ALK: variants seen among roughly 807,000 people sequenced by gnomAD.
ALK encodes ALK tyrosine kinase receptor.
A neutral mutation model predicts 163.1 loss-of-function variants in ALK; 74 were observed. The ratio of observed to expected loss-of-function variants is 0.45; its 90% CI spans 0.38 to 0.55. ALK has a LOEUF of 0.55. Ranked by LOEUF, ALK falls within the 20% of genes least tolerant of loss-of-function variation. The probability of loss-of-function intolerance (pLI) is 0.00; values close to 1 mark genes in which losing one functional copy is unlikely to be tolerated. For synonymous variants in ALK, 960 were observed against 843.2 expected (o/e 1.14, Z -2.40); for missense variants, 2,063 against 2,105.3 (o/e 0.98, Z 0.39).
intron 11 of ALK, among the ~76,000 whole-genome samples, chr2:29,253,861 T>C (rs961634716): frequency 7.1e-6 from 1 of 140,722 alleles, no homozygotes; most frequent in Non-Finnish European, 1.6e-5. Flanking sequence ...GATAGATAGA[T>C]AGATAGATAG....
At chr2:29,225,592 T>G in intron 18 of ALK, 27 bp from the exon 19 acceptor site, 5 of 1,579,774 alleles carry the variant, frequency 3.2e-6, no homozygotes, top group South Asian at 1.1e-5. Context: ...ACTGGGGTAT[T>G]GACAACCACA....
chr2:29,559,768 C>CATGTGTGT (rs144162562), intron 3 of ALK, among the ~76,000 whole-genome samples: 1 of 143,030 alleles, frequency 7.0e-6, no homozygotes, highest in African/African-American at 2.6e-5. Context: ...GGAGCATGTA[C>CATGTGTGT]GTGTGTGTGT....
intron 2 of ALK, among the ~76,000 whole-genome samples, chr2:29,706,114 G>A (rs376732505): frequency 3.4e-4 from 52 of 152,320 alleles, no homozygotes; most frequent in African/African-American, 1.2e-3. Flanking sequence ...CCAGACCTCA[G>A]TGTCCTCATC....
chr2:29,200,779 A>ATG (rs1669151501), intron 26 of ALK, among the ~76,000 whole-genome samples: 2 of 135,874 alleles, frequency 1.5e-5, no homozygotes, highest in South Asian at 4.5e-4. Flanking sequence ...ATACGTATAT[A>ATG]TATGTATATA....
intron 9 of ALK, among the ~76,000 whole-genome samples, chr2:29,290,997 G>A (rs566073370): frequency 2.0e-5 from 3 of 152,316 alleles, no homozygotes; most frequent in South Asian, 4.1e-4. Flanking sequence ...CAAAGGGAAA[G>A]CAGTAAACTA....
At chr2:29,744,059 A>G (rs1327333818) in intron 1 of ALK, among the ~76,000 whole-genome samples, 1 of 152,098 alleles carries the variant, frequency 6.6e-6, no homozygotes, top group Admixed American at 6.5e-5. Context: ...TAGGCCTACA[A>G]TGCAAAATAC....
chr2:29,696,530 T>TAAAAAAAAAAAAAAAA (rs60320646), intron 2 of ALK, among the ~76,000 whole-genome samples: 1 of 103,850 alleles, frequency 9.6e-6, no homozygotes, highest in Non-Finnish European at 2.0e-5. Flanking sequence ...CTTAAAGGAT[T>TAAAAAAAAAAAAAAAA]AAAAAAAAAA....
intron 15 of ALK, among the ~76,000 whole-genome samples, 178 bp downstream of exon 15, chr2:29,232,126 G>T (rs570962362): frequency 6.6e-6 from 1 of 152,280 alleles, no homozygotes; most frequent in East Asian, 1.9e-4. Flanking sequence ...CAGCAAGATG[G>T]CCTGCAGGGC....
intron 3 of ALK, among the ~76,000 whole-genome samples, chr2:29,668,670 A>C (rs1677590410): frequency 6.6e-6 from 1 of 152,126 alleles, no homozygotes; most frequent in South Asian, 2.1e-4. Flanking sequence ...CTAACATATG[A>C]TCTATTCTGG....
At chr2:29,784,596 T>C (rs997613161) in intron 1 of ALK, among the ~76,000 whole-genome samples, 1 of 152,110 alleles carries the variant, frequency 6.6e-6, no homozygotes, top group Non-Finnish European at 1.5e-5. Context: ...CTTGGGAGAC[T>C]GAGCAGAAGA....
At chr2:29,456,000 C>T (rs1411156256) in intron 4 of ALK, among the ~76,000 whole-genome samples, 1 of 152,138 alleles carries the variant, frequency 6.6e-6, no homozygotes, top group African/African-American at 2.4e-5. Flanking sequence ...GTGGGAATAC[C>T]ACTTTATATC....
In ALK at chr2:29,483,576, C is replaced by T. The variant is rs150054695; in HGVS notation, c.1154+48339G>A. On this transcript the variant is annotated intron_variant, in intron 4 of 28. Coordinates refer to ENST00000389048, the MANE Select transcript of ALK (RefSeq NM_004304.5). ...CCCAAGACAGTTCATCTCTAAATAACGTTTTACTTTTAATTGTGAAATATT... is the reference window on the plus strand; with the variant it reads ...CCCAAGACAGTTCATCTCTAAATAATGTTTTACTTTTAATTGTGAAATATT... Among the ~76,000 whole-genome samples the T allele has an allele frequency of 5.8e-3, 888 of 152,300 alleles. 11 individuals carry two copies. The highest frequency in any genetic ancestry group is 0.02 in the African/African-American group (847 of 41,556).
intron 13 of ALK, among the ~76,000 whole-genome samples, chr2:29,234,849 A>C (rs1431468923): frequency 6.6e-6 from 1 of 152,192 alleles, no homozygotes; most frequent in East Asian, 1.9e-4. Context: ...AGCAGCTGGG[A>C]CTACAGGTGC....
At chr2:29,451,800 C>T (rs985611130) in intron 4 of ALK, among the ~76,000 whole-genome samples, 2 of 152,130 alleles carry the variant, frequency 1.3e-5, no homozygotes. Context: ...TTCAACTTTG[C>T]GTATCCCCTA....
chr2:29,750,094 C>G (rs1342002670), intron 1 of ALK, among the ~76,000 whole-genome samples: 1 of 152,190 alleles, frequency 6.6e-6, no homozygotes, highest in Non-Finnish European at 1.5e-5. Flanking sequence ...CCGCCGAGGG[C>G]ATGATTGCAT....
intron 4 of ALK, among the ~76,000 whole-genome samples, chr2:29,497,666 G>A (rs1182427752): frequency 6.6e-6 from 1 of 152,174 alleles, no homozygotes; most frequent in Non-Finnish European, 1.5e-5. Context: ...CCTATCAAGA[G>A]GGCAAATCCC....
chr2:29,578,943 A>T (rs545257350), intron 3 of ALK, among the ~76,000 whole-genome samples: 2 of 152,318 alleles, frequency 1.3e-5, no homozygotes, highest in Non-Finnish European at 1.5e-5. Flanking sequence ...TGGTGATGCC[A>T]GGAAGCCAAG....
rs368508801 is a variant in ALK at position 29,541,486 on chromosome 2, T to C, written c.953-9370A>G. On this transcript the variant is annotated intron_variant, in intron 3 of 28. Coordinates refer to ENST00000389048, the MANE Select transcript of ALK (RefSeq NM_004304.5). ...TTGTATTTTTACTAGAGATGGGGTT[T>C]CACCATGTTGAACAGGCTGGTCTTG... Among the ~76,000 whole-genome samples the C allele has an allele frequency of 1.8e-4, 28 of 152,292 alleles. No homozygotes were observed. The East Asian group carries it at 4.4e-3, about 24-fold the overall frequency.
intron 3 of ALK, among the ~76,000 whole-genome samples, chr2:29,642,067 T>C (rs1009306174): frequency 2.0e-5 from 3 of 152,178 alleles, no homozygotes; most frequent in African/African-American, 4.8e-5. Flanking sequence ...GTTCCTTCTG[T>C]CTTCAAAAGT....
Sources: allele counts gnomAD v4.1 joint callset (sites outside exome capture counted in the v4.1 genomes callset), GRCh38; gene constraint gnomAD v4.1.1; transcripts MANE v1.5; gene names NCBI Gene and HGNC (gene_info 2026-07-23, HGNC 2026-07-21).